CPSF6: variants seen among roughly 807,000 people sequenced by gnomAD.
CPSF6 encodes the protein cleavage and polyadenylation specificity factor subunit 6.
Under a neutral mutation model 56.7 loss-of-function variants are expected in CPSF6, and 10 were observed. The ratio of observed to expected loss-of-function variants is 0.18; its 90% CI spans 0.11 to 0.30. CPSF6 has a LOEUF of 0.30. Ranked by LOEUF, CPSF6 falls within the 10% of genes least tolerant of loss-of-function variation. The pLI, the probability that CPSF6 is intolerant of heterozygous loss-of-function variation, is 1.00. For missense variants in CPSF6, 419 were observed against 722.9 expected (o/e 0.58, Z 4.82); for synonymous variants, 248 against 244.8 (o/e 1.01, Z -0.12).
At chr12:69,254,689 TG>T (rs1872423405) in intron 3 of CPSF6, among the ~76,000 whole-genome samples, 1 of 152,190 alleles carries the variant, frequency 6.6e-6, no homozygotes, top group South Asian at 2.1e-4. Flanking sequence ...TTCTAAATGT[TG>T]TGACCCAAGA....
intron 9 of CPSF6, among the ~76,000 whole-genome samples, chr12:69,265,679 C>G (rs563467272): frequency 6.7e-6 from 1 of 149,526 alleles, no homozygotes; most frequent in Admixed American, 6.7e-5. Flanking sequence ...CTCAGCTCAC[C>G]ACAACCTTCA....
At chr12:69,245,992 C>T (rs1049316801) in intron 1 of CPSF6, among the ~76,000 whole-genome samples, 1 of 152,182 alleles carries the variant, frequency 6.6e-6, no homozygotes, top group African/African-American at 2.4e-5. Flanking sequence ...GAGGCTGAGG[C>T]AGGAGAATTG....
chr12:69,257,969 C>T, intron 5 of CPSF6, 64 bp downstream of exon 5: 1 of 1,581,348 alleles, frequency 6.3e-7, no homozygotes, highest in Middle Eastern at 1.7e-4. Flanking sequence ...TTCCTTTTCT[C>T]TCTTTTTCAA....
chr12:69,258,811 C>A lies in CPSF6; in HGVS notation c.916C>A (p.Pro306Thr). ...PPPPVPGYGPPPGPPPPQQGP... is the reference protein window; with the variant it reads ...PPPPVPGYGPTPGPPPPQQGP... ...ACCTCCAGTTCCAGGCTACGGCCCCCCTCCTGGCCCACCACCTCCACAACA... is the reference window on the plus strand; with the variant it reads ...ACCTCCAGTTCCAGGCTACGGCCCCACTCCTGGCCCACCACCTCCACAACA... Residue 306 changes from proline (P) to threonine (T), a missense_variant, in exon 6 of 10, where the codon CCT becomes ACT. Transcript: ENST00000435070. This position sits in a 1 kb window ranked among gnomAD's most constrained non-coding sequence, Gnocchi z 4.2. The A allele has an allele frequency of 1.2e-6, 2 of 1,613,940 alleles. No homozygotes were observed. Among genetic ancestry groups the A allele is most frequent in the Non-Finnish European group, 1.7e-6 (2 of 1,179,922 alleles).
chr12:69,245,383 T>C (rs1871844575), intron 1 of CPSF6, among the ~76,000 whole-genome samples: 1 of 152,180 alleles, frequency 6.6e-6, no homozygotes, highest in African/African-American at 2.4e-5. Context: ...TTCTCTTTTA[T>C]TAGTTATTTT....
chr12:69,249,831 T>A (rs1345391736), intron 1 of CPSF6, among the ~76,000 whole-genome samples: 1 of 152,248 alleles, frequency 6.6e-6, no homozygotes, highest in Non-Finnish European at 1.5e-5. Context: ...CTCCTGTTTC[T>A]GTTTCATTTT....
Position 69,273,719 on chromosome 12 carries a change from A to T in CPSF6, c.*4211A>T, listed in dbSNP as rs1340336148. 1.3e-5 allele frequency: 2 copies of T among 151,930 alleles called. No individual in the cohort carries two copies. Among genetic ancestry groups the T allele is most frequent in the African/African-American group, 2.4e-5 (1 of 41,416 alleles). 9.4% of individuals were successfully genotyped at this position (151,930 alleles called of 1,614,324 possible). A position where few individuals can be genotyped will look rare whatever the true frequency, so the allele number is the denominator to read the frequency against. On this transcript the variant is annotated 3_prime_UTR_variant, in exon 10 of 10. Coordinates refer to ENST00000435070, the MANE Select transcript of CPSF6 (RefSeq NM_007007.3). The stretch of plus-strand genomic sequence containing the variant: ...TTTATTTTTTTACTTTGAAAATTGT[A>T]GTACTCAGGTGGTATTTAATGGGAA...
chr12:69,260,286 C>A, intron 8 of CPSF6, 89 bp downstream of exon 8: 1 of 977,794 alleles, frequency 1.0e-6, no homozygotes. Context: ...GAGGACTTTG[C>A]TTTTACTTAC....
chr12:69,247,754 A>AT lies in CPSF6; in HGVS notation c.61-3366dup, dbSNP rs532545087. On this transcript the variant is annotated intron_variant, in intron 1 of 9. Transcript: ENST00000435070. ...AAGAACAAAGTTCAGTATGTTCTGTATTTTTTTTTACGCTGGAGGATTGAT... is the reference window on the plus strand; with the variant it reads ...AAGAACAAAGTTCAGTATGTTCTGTATTTTTTTTTTACGCTGGAGGATTGAT... Among the ~76,000 whole-genome samples the AT allele has an allele frequency of 9.6e-4, 145 of 151,460 alleles. 1 individual carries two copies. In the Middle Eastern group the frequency reaches 0.014, roughly 14 times the overall value.
chr12:69,264,615 A>G (rs932535973), intron 9 of CPSF6, among the ~76,000 whole-genome samples: 6 of 152,164 alleles, frequency 3.9e-5, no homozygotes, highest in Non-Finnish European at 8.8e-5. Flanking sequence ...TTGTACATTA[A>G]TCAGAATTGA....
At chr12:69,240,707 C>T (rs1871572125) in intron 1 of CPSF6, among the ~76,000 whole-genome samples, 1 of 150,836 alleles carries the variant, frequency 6.6e-6, no homozygotes, top group Non-Finnish European at 1.5e-5. Context: ...CCCCGGGCCC[C>T]GTGTTACCTT....
intron 3 of CPSF6, among the ~76,000 whole-genome samples, chr12:69,253,815 T>G (rs1186720118): frequency 6.6e-6 from 1 of 152,202 alleles, no homozygotes; most frequent in Non-Finnish European, 1.5e-5. Context: ...GTAATTTACC[T>G]TTCTTATTTT....
At chr12:69,248,286 A>G (rs904167983) in intron 1 of CPSF6, among the ~76,000 whole-genome samples, 1 of 152,246 alleles carries the variant, frequency 6.6e-6, no homozygotes, top group Non-Finnish European at 1.5e-5. Flanking sequence ...AAATTTAAAA[A>G]TACATTTAGT....
intron 2 of CPSF6, chr12:69,252,200 A>C (rs1328407262): frequency 2.3e-6 from 1 of 425,618 alleles, no homozygotes; most frequent in Non-Finnish European, 4.7e-6. Context: ...TCAGCCTCCA[A>C]GTAGCTAGGA....
Position 69,270,205 on chromosome 12 carries a change from T to A in CPSF6, c.*697T>A, listed in dbSNP as rs576642308. On this transcript the variant is annotated 3_prime_UTR_variant, in exon 10 of 10. Coordinates refer to ENST00000435070, the MANE Select transcript of CPSF6 (RefSeq NM_007007.3). ...TCTATATTCTGCTTTTCTAGCTGTT[T>A]TTACCTAGTTAGCTTGTGACTTTGC... The A allele has an allele frequency of 6.6e-6, 1 of 152,334 alleles. No homozygotes were observed. Among genetic ancestry groups the A allele is most frequent in the East Asian group, 1.9e-4 (1 of 5,190 alleles). 9.4% of individuals were successfully genotyped at this position (152,334 alleles called of 1,614,324 possible).
At position 69,259,418 on chromosome 12, in the gene CPSF6, T is replaced by C. The variant is rs1403556651; in HGVS notation, c.1200-10T>C. The C allele has an allele frequency of 3.1e-6, 5 of 1,609,112 alleles. No homozygotes were observed. In the African/African-American group the frequency reaches 5.4e-5, roughly 17 times the overall value. ...GAGTATGAGTTAAGGTTTATGTTTTTGTTTTACAGGGAAATGGATACTGCA... is the reference window on the plus strand; with the variant it reads ...GAGTATGAGTTAAGGTTTATGTTTTCGTTTTACAGGGAAATGGATACTGCA... On this transcript the variant is annotated splice_polypyrimidine_tract_variant and intron_variant, in intron 6 of 9. Transcript: ENST00000435070.
At chr12:69,256,922 A>G in intron 4 of CPSF6, 80 bp downstream of exon 4, 1 of 1,190,306 alleles carries the variant, frequency 8.4e-7, no homozygotes, top group Non-Finnish European at 1.2e-6. Flanking sequence ...TAGAGAAGTC[A>G]TCTTAATACT....
intron 8 of CPSF6, among the ~76,000 whole-genome samples, chr12:69,260,565 A>G (rs990653621): frequency 8.5e-5 from 13 of 152,274 alleles, no homozygotes; most frequent in Non-Finnish European, 1.6e-4. Context: ...TGCTGGGAGC[A>G]GTTTTCCCTG....
At chr12:69,264,253 T>C (rs935576664) in intron 9 of CPSF6, among the ~76,000 whole-genome samples, 5 of 152,080 alleles carry the variant, frequency 3.3e-5, no homozygotes, top group Admixed American at 2.6e-4. Context: ...TTTTGGACTT[T>C]ATAAGTTATC....
Sources: allele counts gnomAD v4.1 joint callset (sites outside exome capture counted in the v4.1 genomes callset), GRCh38; gene constraint gnomAD v4.1.1; non-coding constraint Gnocchi (gnomAD v3.1); transcripts MANE v1.5; gene names NCBI Gene and HGNC (gene_info 2026-07-23, HGNC 2026-07-21).